The following CD2AP variants were observed in gnomAD, a reference collection of about 807,000 sequenced individuals.
CD2AP encodes the protein CD2-associated protein.
A neutral mutation model predicts 85.1 loss-of-function variants in CD2AP; 46 were observed. That is an observed-to-expected ratio of 0.54 (90% CI 0.43 to 0.69). The LOEUF (loss-of-function observed/expected upper bound fraction) is 0.69, where lower values mean the gene tolerates loss of function less well. Among genes scored for constraint, CD2AP ranks in the 30% least tolerant of loss-of-function variants. The probability of loss-of-function intolerance (pLI) is 0.00; values close to 1 mark genes in which losing one functional copy is unlikely to be tolerated. For synonymous variants in CD2AP, 255 were observed against 252.9 expected, an observed-to-expected ratio of 1.01 and a Z score of -0.08; for missense variants, 769 against 729.5, an observed-to-expected ratio of 1.05 and a Z score of -0.62.
chr6:47,608,582 C>T (rs917079707), intron 15 of CD2AP, among the ~76,000 whole-genome samples: 2 of 152,114 alleles, frequency 1.3e-5, no homozygotes, highest in African/African-American at 4.8e-5. Context: ...TCAGCGTTTC[C>T]AATTTATTAA....
intron 3 of CD2AP, among the ~76,000 whole-genome samples, chr6:47,543,186 G>GA (rs1189649037): frequency 1.3e-4 from 10 of 74,270 alleles, no homozygotes; most frequent in Non-Finnish European, 2.2e-4. Context: ...AAAGAAAAAA[G>GA]AAAAAAAAGA....
chr6:47,584,740 A>G (rs901493907), intron 11 of CD2AP, among the ~76,000 whole-genome samples: 3 of 152,140 alleles, frequency 2.0e-5, no homozygotes, highest in East Asian at 3.9e-4. Context: ...CTTAATAAAA[A>G]TATTAGTCTC....
At chr6:47,599,470 C>A in intron 13 of CD2AP, 27 bp downstream of exon 13, 1 of 1,590,028 alleles carries the variant, frequency 6.3e-7, no homozygotes, top group Non-Finnish European at 8.6e-7. Context: ...AGCGGTGGTG[C>A]ATTTAAAAAA....
At chr6:47,554,104 G>A (rs1193789576) in intron 4 of CD2AP, among the ~76,000 whole-genome samples, 4 of 152,004 alleles carry the variant, frequency 2.6e-5, no homozygotes, top group African/African-American at 9.7e-5. Flanking sequence ...TTAGAGATGG[G>A]ATTTCACCAC....
chr6:47,599,432 C>T lies in CD2AP; in HGVS notation c.1406C>T (p.Ser469Phe). The change falls in exon 13 of 18, where the codon TCC (serine) becomes TTC (phenylalanine). Residue 469 changes from serine to phenylalanine, a missense_variant. By Grantham distance (155) the Ser-to-Phe change is radical (BLOSUM62 -2). Transcript: ENST00000359314. ...TTTGATTCACTTACAGTAAGGACCT[C>T]CAAAGAAACAGGTAAGTCAGCATGG... is the stretch of plus-strand genomic sequence containing the variant. Reference protein sequence around the residue: ...VDFDSLTVRTSKETDVVNFDD... With the variant: ...VDFDSLTVRTFKETDVVNFDD... 6.2e-7 allele frequency: 1 copy of T among 1,611,698 alleles called. No homozygotes were observed. Among genetic ancestry groups the T allele is most frequent in the South Asian group, 1.1e-5 (1 of 90,992 alleles).
intron 11 of CD2AP, among the ~76,000 whole-genome samples, chr6:47,595,607 G>A (rs1337404452): frequency 6.6e-6 from 1 of 151,854 alleles, no homozygotes; most frequent in Non-Finnish European, 1.5e-5. Flanking sequence ...TAAAAAGCAG[G>A]CATTATCTAC....
At chr6:47,567,250 G>C (rs1768029329) in intron 5 of CD2AP, among the ~76,000 whole-genome samples, 1 of 152,214 alleles carries the variant, frequency 6.6e-6, no homozygotes, top group South Asian at 2.1e-4. Flanking sequence ...TGAGGGTTGT[G>C]AGTAGTAATA....
At chr6:47,611,954 G>A (rs773730382) in intron 16 of CD2AP, among the ~76,000 whole-genome samples, 107 of 152,048 alleles carry the variant, frequency 7.0e-4, no homozygotes, top group Non-Finnish European at 2.5e-4. Flanking sequence ...AAGGGAACAC[G>A]GGAAGGTGAA....
intron 3 of CD2AP, 140 bp downstream of exon 3, chr6:47,533,895 T>C (rs1387011645): frequency 5.3e-6 from 4 of 756,364 alleles, no homozygotes; most frequent in South Asian, 1.9e-5. Context: ...TTACTAGTTA[T>C]TGCCCTGTGT....
chr6:47,586,485 A>G (rs1268668007), intron 11 of CD2AP, among the ~76,000 whole-genome samples: 2 of 152,208 alleles, frequency 1.3e-5, no homozygotes, highest in Admixed American at 1.3e-4. Context: ...AAAAAACTTA[A>G]AGAAATAATG....
At chr6:47,572,835 G>A (rs999957191) in intron 5 of CD2AP, among the ~76,000 whole-genome samples, 14 of 152,222 alleles carry the variant, frequency 9.2e-5, no homozygotes, top group African/African-American at 2.9e-4. Context: ...ATTCATATGC[G>A]GTGCTTAGCC....
At chr6:47,622,833 A>C (rs889845434) in intron 17 of CD2AP, among the ~76,000 whole-genome samples, 1 of 152,074 alleles carries the variant, frequency 6.6e-6, no homozygotes, top group African/African-American at 2.4e-5. Flanking sequence ...CTGGAGCCGC[A>C]ATCTAGTCTT....
At chr6:47,521,252 A>G (rs771082504) in intron 2 of CD2AP, among the ~76,000 whole-genome samples, 25 of 152,152 alleles carry the variant, frequency 1.6e-4, no homozygotes, top group Non-Finnish European at 3.4e-4. Context: ...GTTCTTTTCT[A>G]TTAGAAGTGG....
intron 1 of CD2AP, among the ~76,000 whole-genome samples, chr6:47,498,505 T>TA (rs1765925376): frequency 6.6e-6 from 1 of 152,206 alleles, no homozygotes. Context: ...ATTTCATGGT[T>TA]AATTCCCCGT....
chr6:47,533,862 G>T (rs189906443), intron 3 of CD2AP, 107 bp downstream of exon 3: 2 of 1,107,290 alleles, frequency 1.8e-6, no homozygotes, highest in African/African-American at 3.1e-5. Flanking sequence ...GACAACTACA[G>T]TAACTTCCTG....
chr6:47,543,374 A>G (rs1582538662), intron 3 of CD2AP, among the ~76,000 whole-genome samples: 1 of 152,160 alleles, frequency 6.6e-6, no homozygotes, highest in Non-Finnish European at 1.5e-5. Flanking sequence ...TATTGGGTAC[A>G]AGATTGAGAA....
intron 4 of CD2AP, among the ~76,000 whole-genome samples, chr6:47,548,974 G>A (rs760459506): frequency 6.6e-6 from 1 of 152,096 alleles, no homozygotes; most frequent in Non-Finnish European, 1.5e-5. Context: ...CTCAATAGAT[G>A]CAGAAAAAAC....
chr6:47,557,708 T>G (rs1199097190), intron 5 of CD2AP, among the ~76,000 whole-genome samples: 1 of 152,228 alleles, frequency 6.6e-6, no homozygotes, highest in Admixed American at 6.5e-5. Flanking sequence ...TACCAGACCA[T>G]GCTGTTTTGG....
Position 47,550,401 on chromosome 6 carries a change from A to G in CD2AP, c.421-4245A>G, listed in dbSNP as rs551752718. 4.9e-4 allele frequency among the ~76,000 whole-genome samples: 74 copies of G among 152,318 alleles called. 2 individuals are homozygous for G. In the South Asian group the frequency reaches 0.015, roughly 32 times the overall value. On this transcript the variant is annotated intron_variant, in intron 4 of 17. Transcript: ENST00000359314. Reference sequence around the variant, plus strand: ...AAAAAGTGGGCTAAAGACCTAATAGACAGTTCTCAAAAGAAGATATGCAAT... The same window carrying G: ...AAAAAGTGGGCTAAAGACCTAATAGGCAGTTCTCAAAAGAAGATATGCAAT...
Sources: gnomAD v4.1 joint callset for allele counts (sites outside exome capture counted in the v4.1 genomes callset) on GRCh38, gnomAD v4.1.1 for gene constraint, MANE v1.5 for transcripts, NCBI Gene and HGNC (gene_info 2026-07-23, HGNC 2026-07-21) for gene names.